Variants in KHNYN observed in about 807,000 individuals in gnomAD.
The protein encoded by KHNYN is protein KHNYN.
Under a neutral mutation model 62.7 loss-of-function variants are expected in KHNYN, and 42 were observed. The ratio of observed to expected loss-of-function variants is 0.67; its 90% CI spans 0.52 to 0.87. KHNYN has a LOEUF of 0.87. KHNYN is among the 40% of genes least tolerant of loss of function. KHNYN has a pLI of 0.00. For missense variants in KHNYN, 829 were observed against 874.1 expected, an observed-to-expected ratio of 0.95 and a Z score of 0.65; for synonymous variants, 347 against 345.6, an observed-to-expected ratio of 1.00 and a Z score of -0.04.
At position 24,440,792 on chromosome 14, in the gene KHNYN, C is replaced by T; in HGVS notation, c.*3507C>T. ...CAGGCCCGTTTCTCACCTGAGCGCA[C>T]CACCACCTGGCGTGTAGAATCTCCA... is the stretch of plus-strand genomic sequence containing the variant. On this transcript the variant is annotated 3_prime_UTR_variant, in exon 8 of 8. Coordinates refer to ENST00000553935, the MANE Select transcript of KHNYN (RefSeq NM_015299.3). The T allele has an allele frequency of 6.2e-7, 1 of 1,613,966 alleles. No individual in the cohort carries two copies. Among genetic ancestry groups the T allele is most frequent in the Non-Finnish European group, 8.5e-7 (1 of 1,179,848 alleles).
upstream of KHNYN, chr14:24,428,972 C>T: frequency 6.4e-7 from 1 of 1,551,204 alleles, no homozygotes; most frequent in South Asian, 1.2e-5. Flanking sequence ...CCACCCGGCC[C>T]CCAGGGCCAG....
At position 24,432,436 on chromosome 14, in the gene KHNYN, TGGCACG is replaced by T; in HGVS notation, c.1178_1183del (p.Ala393_Arg394del). The T allele has an allele frequency of 6.2e-7, 1 of 1,613,426 alleles. No individual in the cohort carries two copies. The highest frequency in any genetic ancestry group is 8.5e-7 in the Non-Finnish European group (1 of 1,179,790). On this transcript the variant is annotated inframe_deletion, in exon 3 of 8. Transcript: ENST00000553935. The surrounding 1 kb of genome is among the most constrained non-coding windows in gnomAD (Gnocchi z 5.6). ...GACAGGGGAGACAAGCAGCAGGGCA[TGGCACG>T]GGGTCGGGGGCCTCAATGGAAACGA...
chr14:24,428,166 C>T (rs1437832800), upstream of KHNYN: 1 of 1,430,486 alleles, frequency 7.0e-7, no homozygotes, highest in Admixed American at 1.9e-5. Context: ...CCCATTCCTC[C>T]CCTGGTCCTG....
chr14:24,430,232 G>A (rs1045016536), intron 1 of KHNYN, 113 bp downstream of exon 1: 5 of 839,674 alleles, frequency 6.0e-6, no homozygotes, highest in South Asian at 1.1e-4. Flanking sequence ...GGCCCGGCCC[G>A]GCCCCTGGGC....
rs1412339896 is a variant in KHNYN at position 24,432,536 on chromosome 14, C to T, written c.1275C>T (p.Thr425=). 2 of 1,612,188 alleles carry T rather than the reference C, an allele frequency of 1.2e-6. No homozygotes were observed. The highest frequency in any genetic ancestry group is 8.5e-7 in the Non-Finnish European group (1 of 1,178,600). Residue 425 remains threonine (T), a synonymous_variant, in exon 3 of 8, where the codon ACC becomes ACT. Coordinates refer to ENST00000553935, the MANE Select transcript of KHNYN (RefSeq NM_015299.3). The surrounding 1 kb of genome is among the most constrained non-coding windows in gnomAD (Gnocchi z 5.6). ...RFKEALQDPF[T]LCLANVPGQP... is the part of the protein sequence containing the mutation. ...AGGAGGCCCTGCAGGATCCTTTCAC[C>T]CTGTGCCTTGCCAATGTGCCTGGCC...
At chr14:24,433,765 C>A (rs768254569) in intron 5 of KHNYN, among the ~76,000 whole-genome samples, 1 of 152,172 alleles carries the variant, frequency 6.6e-6, no homozygotes, top group Non-Finnish European at 1.5e-5. Context: ...AATCTACAGT[C>A]GTGGAGACAG....
chr14:24,427,711 C>T (rs1353647050), upstream of KHNYN: 1 of 1,357,092 alleles, frequency 7.4e-7, no homozygotes, highest in Non-Finnish European at 1.0e-6. The surrounding 1 kb of genome is among the most constrained non-coding windows in gnomAD (Gnocchi z 4.4). Context: ...TCTCTCCTGC[C>T]TCTGCTGTTT....
chr14:24,436,042 C>G (rs756183416), intron 5 of KHNYN, 30 bp from the exon 6 acceptor site: 2 of 1,572,106 alleles, frequency 1.3e-6, no homozygotes, highest in Non-Finnish European at 1.8e-6. Context: ...TTTTTCAACC[C>G]TCTCTCGGTT....
chr14:24,438,316 A>G lies in KHNYN; in HGVS notation c.*1031A>G, dbSNP rs1046180506. On this transcript the variant is annotated 3_prime_UTR_variant, in exon 8 of 8. Transcript: ENST00000553935. Reference sequence around the variant, plus strand: ...CGATTTTTCACCAATCGATGAAGCCATGCTCTGCAATGACAATATTAATGT... The same window carrying G: ...CGATTTTTCACCAATCGATGAAGCCGTGCTCTGCAATGACAATATTAATGT... 6.6e-6 allele frequency: 1 copy of G among 152,620 alleles called. No individual in the cohort carries two copies. The highest frequency in any genetic ancestry group is 6.5e-5 in the Admixed American group (1 of 15,286). 9.5% of individuals were successfully genotyped at this position (152,620 alleles called of 1,614,324 possible).
In KHNYN at chr14:24,432,590, C is replaced by G; in HGVS notation, c.1329C>G (p.Asp443Glu). The change falls in exon 3 of 8, where the codon GAC becomes GAG. Residue 443 changes from aspartate to glutamate, a missense_variant. Physicochemically the swap from Asp to Glu is conservative, Grantham distance 45 (BLOSUM62 2). This residue lies in a region of KHNYN where 270 missense variants were observed against 347.1 expected (regional missense o/e 0.78). Transcript: ENST00000553935. This position sits in a 1 kb window ranked among gnomAD's most constrained non-coding sequence, Gnocchi z 5.6. The stretch of plus-strand genomic sequence containing the variant: ...CAGACCTCCGCCATATTGTCATTGA[C>G]GGCAGCAACGTGGCCATGGTGTGAG... ...GQPDLRHIVIDGSNVAMVHGL... is the reference protein window; with the variant it reads ...GQPDLRHIVIEGSNVAMVHGL... 2.5e-6 allele frequency: 4 copies of G among 1,606,744 alleles called. No individual in the cohort carries two copies. The highest frequency in any genetic ancestry group is 2.6e-6 in the Non-Finnish European group (3 of 1,174,642).
chr14:24,441,612 A>T lies in KHNYN; in HGVS notation c.*4327A>T, dbSNP rs539340362. 1 of 1,413,960 alleles carries T rather than the reference A, an allele frequency of 7.1e-7. No homozygotes were observed. Among genetic ancestry groups the T allele is most frequent in the African/African-American group, 1.4e-5 (1 of 70,778 alleles). The allele number at this position is 1,413,960 out of a possible 1,614,324, so 87.6% of individuals were successfully genotyped here. ...AGTGCTCTGGTGTGTGCATAGCTAC[A>T]GAGGTCTGAGTTACCCCGTTCCCCT... is the stretch of plus-strand genomic sequence containing the variant. On this transcript the variant is annotated 3_prime_UTR_variant, in exon 8 of 8. Transcript: ENST00000553935.
chr14:24,432,642 G>A lies in KHNYN; in HGVS notation c.1349+32G>A. The stretch of plus-strand genomic sequence containing the variant: ...ACCTGGTGGGGCTAAGGGCCTAGGA[G>A]AGGGAGGATATGTCCTGAGGGGCTG... On this transcript the variant is annotated intron_variant, in intron 3 of 7. Transcript: ENST00000553935. This position sits in a 1 kb window ranked among gnomAD's most constrained non-coding sequence, Gnocchi z 5.6. 1 of 1,610,492 alleles carries A rather than the reference G, an allele frequency of 6.2e-7. No individual in the cohort carries two copies. Among genetic ancestry groups the A allele is most frequent in the South Asian group, 1.1e-5 (1 of 90,870 alleles).
In KHNYN at chr14:24,430,113, G is replaced by A; in HGVS notation, c.-24G>A. On this transcript the variant is annotated 5_prime_UTR_variant, in exon 1 of 8. Transcript: ENST00000553935. ...AGGACCTGAAGCCGGCGCGGGCGGC[G>A]GAGGCGGTAGGCGCGCCCCTCCACC... 1.0e-6 allele frequency: 1 copy of A among 985,202 alleles called. No homozygotes were observed. The highest frequency in any genetic ancestry group is 1.2e-6 in the Non-Finnish European group (1 of 830,070). The allele number at this position is 985,202 out of a possible 1,614,324, so 61.0% of individuals were successfully genotyped here. A position where few individuals can be genotyped will look rare whatever the true frequency, so the allele number is the denominator to read the frequency against.
intron 6 of KHNYN, 74 bp from the exon 7 acceptor site, chr14:24,436,314 T>A: frequency 6.9e-7 from 1 of 1,449,124 alleles, no homozygotes; most frequent in South Asian, 1.1e-5. Context: ...CAGCTTCTGG[T>A]GATACTGGTC....
chr14:24,439,867 G>A lies in KHNYN; in HGVS notation c.*2582G>A, dbSNP rs1166247501. 6 of 502,304 alleles carry A rather than the reference G, an allele frequency of 1.2e-5. No homozygotes were observed. Among genetic ancestry groups the A allele is most frequent in the South Asian group, 3.5e-5 (1 of 28,270 alleles). 31.1% of individuals were successfully genotyped at this position (502,304 alleles called of 1,614,324 possible). A position where few individuals can be genotyped will look rare whatever the true frequency, so the allele number is the denominator to read the frequency against. ...GCAGGACATGTAGAGAAACCAAACT[G>A]GGAAATCTTACAAGGAGTTGAAAAG... On this transcript the variant is annotated 3_prime_UTR_variant, in exon 8 of 8. Transcript: ENST00000553935.
chr14:24,427,958 A>G (rs1215096629), upstream of KHNYN: 1 of 1,613,450 alleles, frequency 6.2e-7, no homozygotes, highest in Non-Finnish European at 8.5e-7. This position sits in a 1 kb window ranked among gnomAD's most constrained non-coding sequence, Gnocchi z 4.4. Context: ...GGCTGAGATG[A>G]CAGGCCACGT....
In KHNYN at chr14:24,432,404, C is replaced by T. The variant is rs137903044; in HGVS notation, c.1143C>T (p.Asp381=). ...GDRGDCGDRG[D]VGDRGDKQQG... ...GGGGTGACTGCGGAGACCGGGGAGA[C>T]GTGGGGGACAGGGGAGACAAGCAGC... Residue 381 remains aspartate, a synonymous_variant, in exon 3 of 8, where the codon GAC becomes GAT. Coordinates refer to ENST00000553935, the MANE Select transcript of KHNYN (RefSeq NM_015299.3). This position sits in a 1 kb window ranked among gnomAD's most constrained non-coding sequence, Gnocchi z 5.6. The T allele has an allele frequency of 5.3e-5, 85 of 1,613,404 alleles. No individual in the cohort carries two copies. The African/African-American group carries it at 5.9e-4, about 11-fold the overall frequency.
chr14:24,427,520 A>G, upstream of KHNYN: 1 of 453,178 alleles, frequency 2.2e-6, no homozygotes, highest in Non-Finnish European at 3.9e-6. This position sits in a 1 kb window ranked among gnomAD's most constrained non-coding sequence, Gnocchi z 4.4. Context: ...TTCTTGCCAA[A>G]CCTTGCCCTG....
Position 24,439,935 on chromosome 14 carries a change from AG to A in KHNYN, c.*2652del. 1.6e-6 allele frequency: 1 copy of A among 642,422 alleles called. No individual in the cohort carries two copies. Among genetic ancestry groups the A allele is most frequent in the Non-Finnish European group, 2.6e-6 (1 of 380,872 alleles). The allele number at this position is 642,422 out of a possible 1,614,324, so 39.8% of individuals were successfully genotyped here. ...ATGAGATTACGGCCTTGAGACAATA[AG>A]GTGGAGCAACAGAACAATGGGAAAG... On this transcript the variant is annotated 3_prime_UTR_variant, in exon 8 of 8. Coordinates refer to ENST00000553935, the MANE Select transcript of KHNYN (RefSeq NM_015299.3).
Sources: gnomAD v4.1 joint callset for allele counts (sites outside exome capture counted in the v4.1 genomes callset) on GRCh38, gnomAD v4.1.1 for gene constraint, gnomAD v4.1.1 regional missense constraint, Gnocchi (gnomAD v3.1) non-coding constraint, MANE v1.5 for transcripts, NCBI Gene and HGNC (gene_info 2026-07-23, HGNC 2026-07-21) for gene names.